The following PYHIN1 variants were observed in gnomAD, a reference collection of about 807,000 sequenced individuals.
The protein encoded by PYHIN1 is pyrin and HIN domain-containing protein 1.
A neutral mutation model predicts 43.7 loss-of-function variants in PYHIN1; 32 were observed. The ratio of observed to expected loss-of-function variants is 0.73; its 90% CI spans 0.55 to 0.98. The LOEUF (loss-of-function observed/expected upper bound fraction) is 0.98. Among genes scored for constraint, PYHIN1 ranks in the 50% least tolerant of loss-of-function variants. The probability of loss-of-function intolerance (pLI) is 0.00; values close to 1 mark genes in which losing one functional copy is unlikely to be tolerated. For synonymous variants in PYHIN1, 205 were observed against 203.1 expected (o/e 1.01, Z -0.08); for missense variants, 588 against 589.5 (o/e 1.00, Z 0.03).
At chr1:158,987,891 C>T in the PYHIN1 span, among the ~76,000 whole-genome samples, 1 of 152,128 alleles carries the variant, frequency 6.6e-6, no homozygotes, top group African/African-American at 2.4e-5. Context: ...CAGTGGCCTC[C>T]ATTTCATATG....
chr1:158,949,548 A>C (rs1259439440), intron 7 of PYHIN1, among the ~76,000 whole-genome samples: 4 of 84,996 alleles, frequency 4.7e-5, no homozygotes, highest in African/African-American at 4.7e-5. Context: ...CCACCCCACA[A>C]CAGTCCCCAG....
intron 7 of PYHIN1, among the ~76,000 whole-genome samples, chr1:158,952,791 C>T (rs1482123702): frequency 6.6e-6 from 1 of 152,204 alleles, no homozygotes; most frequent in East Asian, 1.9e-4. Flanking sequence ...ATACAGCTCC[C>T]AGCGTAAGCG....
At chr1:158,982,401 CT>C in the PYHIN1 span, among the ~76,000 whole-genome samples, 2 of 152,100 alleles carry the variant, frequency 1.3e-5, no homozygotes, top group Non-Finnish European at 2.9e-5. Context: ...ATAGGAAGTA[CT>C]GTTTCCATTA....
At chr1:158,950,214 A>T (rs1329886705) in intron 7 of PYHIN1, among the ~76,000 whole-genome samples, 1 of 152,204 alleles carries the variant, frequency 6.6e-6, no homozygotes, top group South Asian at 2.1e-4. Flanking sequence ...CGAGAGCATA[A>T]AAAAGGAACA....
chr1:158,949,107 C>T (rs1037314371), intron 7 of PYHIN1, among the ~76,000 whole-genome samples: 4 of 152,086 alleles, frequency 2.6e-5, no homozygotes, highest in African/African-American at 9.7e-5. Context: ...ATGTCCTAGG[C>T]ACCATAAAGT....
intron 7 of PYHIN1, among the ~76,000 whole-genome samples, chr1:158,955,724 C>T (rs1394816035): frequency 1.0e-5 from 1 of 99,864 alleles, no homozygotes; most frequent in Non-Finnish European, 2.1e-5. Context: ...CATTCAAAAG[C>T]TAGCAGAAGG....
chr1:158,980,108 C>G (rs1571798089), downstream of PYHIN1, among the ~76,000 whole-genome samples: 1 of 152,258 alleles, frequency 6.6e-6, no homozygotes, highest in East Asian at 1.9e-4. Flanking sequence ...CTGGCTGGAG[C>G]CACAGCAGAG....
chr1:158,956,379 G>T (rs933839197), intron 7 of PYHIN1, among the ~76,000 whole-genome samples: 7 of 152,080 alleles, frequency 4.6e-5, no homozygotes, highest in African/African-American at 1.7e-4. Context: ...AACGAATCCA[G>T]CAGCACATCA....
At chr1:158,944,450 C>T (rs1649109483) in intron 6 of PYHIN1, among the ~76,000 whole-genome samples, 1 of 152,126 alleles carries the variant, frequency 6.6e-6, no homozygotes, top group Admixed American at 6.5e-5. Flanking sequence ...CTGCTCTTAA[C>T]AAGGTAAAGA....
At chr1:158,966,363 C>T (rs1288636395) in intron 7 of PYHIN1, among the ~76,000 whole-genome samples, 1 of 151,888 alleles carries the variant, frequency 6.6e-6, no homozygotes, top group Non-Finnish European at 1.5e-5. Context: ...GACTCCTCTC[C>T]AATTCATTCT....
At chr1:158,981,760 C>T (rs1015363099), downstream of PYHIN1, among the ~76,000 whole-genome samples, 3 of 152,020 alleles carry the variant, frequency 2.0e-5, no homozygotes, top group South Asian at 2.1e-4. Flanking sequence ...CATTTCCACC[C>T]TCAATGTATA....
chr1:158,980,386 T>C (rs1418700587), downstream of PYHIN1, among the ~76,000 whole-genome samples: 3 of 152,108 alleles, frequency 2.0e-5, no homozygotes, highest in Non-Finnish European at 4.4e-5. Context: ...TCTGACTGCC[T>C]GCGGGTTTGG....
intron 2 of PYHIN1, among the ~76,000 whole-genome samples, chr1:158,937,944 C>CAAA (rs11444947): frequency 8.8e-6 from 1 of 114,204 alleles, no homozygotes; most frequent in Non-Finnish European, 1.8e-5. Flanking sequence ...GACTCCGTCT[C>CAAA]AAAAAAAAAA....
intron 1 of PYHIN1, among the ~76,000 whole-genome samples, chr1:158,934,912 T>G (rs1012727295): frequency 3.3e-5 from 5 of 152,152 alleles, no homozygotes; most frequent in Non-Finnish European, 7.4e-5. Flanking sequence ...GTATTTTTAG[T>G]AGAGACGGGG....
At chr1:158,978,032 A>G (rs1246503702), downstream of PYHIN1, among the ~76,000 whole-genome samples, 1 of 152,174 alleles carries the variant, frequency 6.6e-6, no homozygotes, top group Non-Finnish European at 1.5e-5. Context: ...ATCTGAAGCT[A>G]TATATGCCCA....
chr1:158,979,367 A>G (rs1260808140), downstream of PYHIN1, among the ~76,000 whole-genome samples: 1 of 152,142 alleles, frequency 6.6e-6, no homozygotes, highest in Non-Finnish European at 1.5e-5. Flanking sequence ...TTTGGCTATT[A>G]TAGATACTCT....
intron 7 of PYHIN1, among the ~76,000 whole-genome samples, chr1:158,971,203 C>T (rs185718224): frequency 6.6e-6 from 1 of 151,950 alleles, no homozygotes; most frequent in East Asian, 1.9e-4. Flanking sequence ...TCTTTCAGCA[C>T]TTTCCTTCCA....
chr1:158,951,706 G>A (rs1409929286), intron 7 of PYHIN1, among the ~76,000 whole-genome samples: 1 of 152,140 alleles, frequency 6.6e-6, no homozygotes, highest in African/African-American at 2.4e-5. Context: ...TGAATCTCAA[G>A]GACTATTAAG....
In PYHIN1 at chr1:158,936,903, C is replaced by T. The variant is rs1648579795; in HGVS notation, c.-8C>T. On this transcript the variant is annotated 5_prime_UTR_variant, in exon 2 of 9. Coordinates refer to ENST00000368140, the MANE Select transcript of PYHIN1 (RefSeq NM_152501.5). ...TTTTCTCTTGCAGGCTCACTTATAT[C>T]TTTAGAGATGGCAAATAACTACAAG... is the stretch of plus-strand genomic sequence containing the variant. The T allele has an allele frequency of 6.4e-7, 1 of 1,567,066 alleles. No individual in the cohort carries two copies. The highest frequency in any genetic ancestry group is 1.4e-5 in the African/African-American group (1 of 73,218).
Sources: allele counts gnomAD v4.1 joint callset (sites outside exome capture counted in the v4.1 genomes callset), GRCh38; gene constraint gnomAD v4.1.1; transcripts MANE v1.5; gene names NCBI Gene and HGNC (gene_info 2026-07-23, HGNC 2026-07-21).